STK3: variants seen among roughly 807,000 people sequenced by gnomAD.
The protein encoded by STK3 is serine/threonine kinase 3, also known as serine/threonine-protein kinase 3.
Under a neutral mutation model 58.0 loss-of-function variants are expected in STK3, and 41 were observed. The observed-to-expected ratio is 0.71, with a 90% CI of 0.55 to 0.92. The LOEUF (loss-of-function observed/expected upper bound fraction) is 0.92. Among genes scored for constraint, STK3 ranks in the 40% least tolerant of loss-of-function variants. The pLI, the probability that STK3 is intolerant of heterozygous loss-of-function variation, is 0.00. For synonymous variants in STK3, 170 were observed against 191.0 expected (o/e 0.89, Z 0.91); for missense variants, 479 against 602.7 (o/e 0.79, Z 2.15).
At chr8:98,668,838 T>C (rs1283469790) in intron 6 of STK3, among the ~76,000 whole-genome samples, 1 of 152,082 alleles carries the variant, frequency 6.6e-6, no homozygotes, top group Non-Finnish European at 1.5e-5. Flanking sequence ...CAGAGGCACA[T>C]CAAAAAAAGA....
intron 10 of STK3, among the ~76,000 whole-genome samples, chr8:98,502,133 T>A (rs150127120): frequency 1.9e-4 from 29 of 152,180 alleles, no homozygotes; most frequent in Non-Finnish European, 8.8e-5. Flanking sequence ...CCCTTGTAAG[T>A]TGGATTCCTA....
chr8:98,579,885 C>G, intron 7 of STK3, 96 bp from the exon 8 acceptor site: 1 of 1,131,912 alleles, frequency 8.8e-7, no homozygotes, highest in South Asian at 1.9e-5. Context: ...ACCAGGATCA[C>G]AGGCTTCAAT....
In STK3 at chr8:98,792,525, C is replaced by T. The variant is rs770384425; in HGVS notation, c.27-17706G>A. ...CAGGCTGACCAACATGGAGAAACCC[C>T]GCCCCTACTAAAAAAAAATACAAAA... On this transcript the variant is annotated intron_variant, in intron 1 of 10. Coordinates refer to ENST00000419617, the MANE Select transcript of STK3 (RefSeq NM_006281.4). 8.5e-5 allele frequency among the ~76,000 whole-genome samples: 13 copies of T among 152,178 alleles called. No homozygotes were observed. In the South Asian group the frequency reaches 2.5e-3, roughly 29 times the overall value.
intron 4 of STK3, among the ~76,000 whole-genome samples, chr8:98,714,119 G>A (rs1826787048): frequency 6.6e-6 from 1 of 152,190 alleles, no homozygotes; most frequent in Non-Finnish European, 1.5e-5. Context: ...AGGTATTGAT[G>A]GGATGTATCT....
intron 3 of STK3, among the ~76,000 whole-genome samples, chr8:98,842,536 GGCGTGGTGGCATGC>G (rs1317491259): frequency 6.6e-6 from 1 of 152,058 alleles, no homozygotes; most frequent in Non-Finnish European, 1.5e-5. Flanking sequence ...AAATTAGCTG[GGCGTGGTGGCATGC>G]GCCTGTAGTC....
chr8:98,741,376 A>T (rs1829193101), intron 4 of STK3, among the ~76,000 whole-genome samples: 1 of 152,240 alleles, frequency 6.6e-6, no homozygotes, highest in Non-Finnish European at 1.5e-5. Context: ...GTAAAAGATC[A>T]GAAATTATAA....
intron 1 of STK3, among the ~76,000 whole-genome samples, chr8:98,386,397 C>T (rs1817792194): frequency 1.3e-5 from 2 of 151,982 alleles, no homozygotes; most frequent in African/African-American, 4.8e-5. Context: ...TACTATGCAG[C>T]TATAAAAAGG....
At chr8:98,763,506 AT>A (rs1326516528) in intron 3 of STK3, among the ~76,000 whole-genome samples, 6 of 152,064 alleles carry the variant, frequency 3.9e-5, no homozygotes, top group African/African-American at 1.5e-4. Flanking sequence ...TGCATATCTC[AT>A]TTTCCCTATC....
intron 1 of STK3, among the ~76,000 whole-genome samples, chr8:98,922,538 A>T (rs961546613): frequency 2.0e-5 from 3 of 152,336 alleles, no homozygotes; most frequent in African/African-American, 7.2e-5. Flanking sequence ...TCAGCTTGTT[A>T]TTCCTGCACA....
At chr8:98,615,160 C>G (rs1817583065) in intron 6 of STK3, among the ~76,000 whole-genome samples, 1 of 151,716 alleles carries the variant, frequency 6.6e-6, no homozygotes, top group Non-Finnish European at 1.5e-5. Context: ...ACCCCTGACC[C>G]CCGAGCAGCC....
intron 1 of STK3, chr8:98,437,545 T>C (rs1012297068): frequency 6.6e-6 from 1 of 152,210 alleles, no homozygotes. Context: ...CTTAAAACTC[T>C]TTTTGTCGCC....
At chr8:98,559,726 C>T (rs773284034) in intron 8 of STK3, among the ~76,000 whole-genome samples, 2 of 152,048 alleles carry the variant, frequency 1.3e-5, no homozygotes, top group Non-Finnish European at 2.9e-5. Context: ...CACAGAAATA[C>T]GCCTTGGAGA....
At chr8:98,915,432 CTATATATATATA>C (rs56187203) in intron 1 of STK3, among the ~76,000 whole-genome samples, 6,372 of 94,706 alleles carry the variant, frequency 0.067, 499 homozygotes, top group African/African-American at 0.15. Flanking sequence ...ATAAACTTTC[CTATATATATATA>C]TATATATATA....
At chr8:98,713,598 A>C (rs1020078556) in intron 4 of STK3, among the ~76,000 whole-genome samples, 1 of 152,372 alleles carries the variant, frequency 6.6e-6, no homozygotes, top group Non-Finnish European at 1.5e-5. Context: ...ATCTCTGAAT[A>C]GAACAATAAC....
At chr8:98,779,180 A>G (rs1831925137) in intron 1 of STK3, among the ~76,000 whole-genome samples, 1 of 152,010 alleles carries the variant, frequency 6.6e-6, no homozygotes. Context: ...GTAACCTTTC[A>G]ATCAAAAATC....
At chr8:98,509,896 A>T (rs979354156) in intron 10 of STK3, among the ~76,000 whole-genome samples, 2 of 152,042 alleles carry the variant, frequency 1.3e-5, no homozygotes, top group Admixed American at 1.3e-4. Context: ...TTTAAAGTAT[A>T]ATATCTAATG....
At chr8:98,854,811 T>C (rs1836607321) in intron 3 of STK3, among the ~76,000 whole-genome samples, 1 of 152,128 alleles carries the variant, frequency 6.6e-6, no homozygotes, top group South Asian at 2.1e-4. Flanking sequence ...ATCCTAGCAA[T>C]TTAGGAGGCC....
At chr8:98,385,961 G>T (rs2069559513) in intron 1 of STK3, among the ~76,000 whole-genome samples, 1 of 152,170 alleles carries the variant, frequency 6.6e-6, no homozygotes. Flanking sequence ...TGAGCCAAGA[G>T]ATGTGTTAGG....
chr8:98,643,634 C>T (rs960397348), intron 6 of STK3, among the ~76,000 whole-genome samples: 1 of 152,160 alleles, frequency 6.6e-6, no homozygotes, highest in African/African-American at 2.4e-5. Context: ...ACAATGAAGG[C>T]AGGAATTTTT....
Sources: gnomAD v4.1 joint callset for allele counts (sites outside exome capture counted in the v4.1 genomes callset) on GRCh38, gnomAD v4.1.1 for gene constraint, MANE v1.5 for transcripts, NCBI Gene and HGNC (gene_info 2026-07-23, HGNC 2026-07-21) for gene names.